The following MGAT4C variants were observed in gnomAD, a reference collection of about 807,000 sequenced individuals.
MGAT4C encodes the protein alpha-1,3-mannosyl-glycoprotein 4-beta-N-acetylglucosaminyltransferase C.
In MGAT4C, 19 loss-of-function variants were observed where a neutral mutation model predicts 40.1. The observed-to-expected ratio is 0.47, with a 90% CI of 0.33 to 0.70. The LOEUF (loss-of-function observed/expected upper bound fraction) is 0.70. Ranked by LOEUF, MGAT4C falls within the 30% of genes least tolerant of loss-of-function variation. MGAT4C has a pLI of 0.02. For missense variants in MGAT4C, 491 were observed against 563.2 expected (o/e 0.87, Z 1.30); for synonymous variants, 181 against 187.1 (o/e 0.97, Z 0.27).
intron 1 of MGAT4C, among the ~76,000 whole-genome samples, chr12:86,775,301 C>T (rs1245414939): frequency 6.6e-6 from 1 of 151,804 alleles, no homozygotes; most frequent in Non-Finnish European, 1.5e-5. Flanking sequence ...TGTGGATGAA[C>T]ATAAGCACAT....
At chr12:86,560,195 T>C (rs1247142420) in intron 2 of MGAT4C, among the ~76,000 whole-genome samples, 1 of 152,076 alleles carries the variant, frequency 6.6e-6, no homozygotes, top group African/African-American at 2.4e-5. Context: ...CTTGATAAAT[T>C]GTACCAAGCT....
intron 3 of MGAT4C, among the ~76,000 whole-genome samples, chr12:86,407,855 C>T (rs1956506405): frequency 6.6e-6 from 1 of 152,014 alleles, no homozygotes; most frequent in South Asian, 2.1e-4. Flanking sequence ...TTTATAGCTG[C>T]TTTTTCTTTT....
chr12:86,310,973 A>G (rs2136150172), intron 4 of MGAT4C, among the ~76,000 whole-genome samples: 1 of 152,310 alleles, frequency 6.6e-6, no homozygotes, highest in South Asian at 2.1e-4. Flanking sequence ...AGGGAATAAA[A>G]TGATATCCTA....
At chr12:86,133,322 C>T (rs1418310387) in intron 1 of MGAT4C, among the ~76,000 whole-genome samples, 2 of 152,198 alleles carry the variant, frequency 1.3e-5, no homozygotes, top group Non-Finnish European at 1.5e-5. Flanking sequence ...TGCCACCCAT[C>T]AAAAGCACTT....
intron 2 of MGAT4C, among the ~76,000 whole-genome samples, chr12:86,440,435 A>G (rs1957206497): frequency 6.6e-6 from 1 of 152,070 alleles, no homozygotes; most frequent in Non-Finnish European, 1.5e-5. Context: ...GCATCCCTTT[A>G]TGATAAAAAC....
intron 1 of MGAT4C, among the ~76,000 whole-genome samples, chr12:86,785,949 A>T (rs975065526): frequency 1.6e-4 from 25 of 151,996 alleles, no homozygotes; most frequent in African/African-American, 6.0e-4. Context: ...CCATTTATTC[A>T]TTCTTCTTGG....
chr12:86,799,415 TTC>T (rs1437337965), intron 1 of MGAT4C, among the ~76,000 whole-genome samples: 1 of 151,904 alleles, frequency 6.6e-6, no homozygotes, highest in African/African-American at 2.4e-5. Flanking sequence ...AGGAAGAATA[TTC>T]TCTGACATGC....
chr12:86,421,079 A>G (rs1956818273), intron 3 of MGAT4C, among the ~76,000 whole-genome samples: 1 of 152,102 alleles, frequency 6.6e-6, no homozygotes, highest in Non-Finnish European at 1.5e-5. Context: ...TAATGTCAGT[A>G]GGAATTTGAG....
intron 1 of MGAT4C, among the ~76,000 whole-genome samples, chr12:86,820,723 A>C (rs1409671211): frequency 6.6e-6 from 1 of 150,910 alleles, no homozygotes; most frequent in Non-Finnish European, 1.5e-5. Flanking sequence ...TGAAAGAGAG[A>C]TACAATATCT....
In MGAT4C at chr12:86,190,576, C is replaced by G. The variant is rs561004059; in HGVS notation, c.-57+65663G>C. On this transcript the variant is annotated intron_variant, in intron 1 of 4. Coordinates refer to ENST00000611864, the MANE Select transcript of MGAT4C (RefSeq NM_001351288.2). Reference sequence around the variant, plus strand: ...TTTCCTCATGGCAAATATAGTGTTTCTATGAGAATTTTGGCTTGAATTTGC... The same window carrying G: ...TTTCCTCATGGCAAATATAGTGTTTGTATGAGAATTTTGGCTTGAATTTGC... Among the ~76,000 whole-genome samples, 253 of 152,126 alleles carry G rather than the reference C, an allele frequency of 1.7e-3. 1 individual carries two copies. The highest frequency in any genetic ancestry group is 5.9e-3 in the African/African-American group (244 of 41,536).
chr12:86,198,129 G>T (rs1949894416), intron 1 of MGAT4C, among the ~76,000 whole-genome samples: 1 of 152,112 alleles, frequency 6.6e-6, no homozygotes, highest in African/African-American at 2.4e-5. Context: ...ATAAAGTTTA[G>T]TAATATATTT....
chr12:86,501,301 T>A (rs1036894222), intron 2 of MGAT4C, among the ~76,000 whole-genome samples: 1 of 152,122 alleles, frequency 6.6e-6, no homozygotes, highest in African/African-American at 2.4e-5. Flanking sequence ...TTATTTTTAT[T>A]TGTTTTTCCC....
chr12:86,239,717 T>A (rs1052819390), intron 1 of MGAT4C, among the ~76,000 whole-genome samples: 1 of 152,046 alleles, frequency 6.6e-6, no homozygotes, highest in Non-Finnish European at 1.5e-5. Flanking sequence ...ACAAAGGTTT[T>A]ATAATTCTTT....
At chr12:86,695,671 A>C (rs1257891589) in intron 2 of MGAT4C, among the ~76,000 whole-genome samples, 1 of 152,196 alleles carries the variant, frequency 6.6e-6, no homozygotes, top group East Asian at 1.9e-4. Context: ...GGCCAGGCAC[A>C]GAAAGACAAA....
intron 1 of MGAT4C, among the ~76,000 whole-genome samples, chr12:86,192,216 C>T (rs1889592958): frequency 6.6e-6 from 1 of 151,856 alleles, no homozygotes; most frequent in Non-Finnish European, 1.5e-5. Flanking sequence ...ATGTTGTGCA[C>T]ATGTACCCTA....
rs1883273310 is a variant in MGAT4C, at chr12:85,964,829, T to A, written c.*14460A>T. ...CCTAGGTAATGTGATTTATTAAAAG[T>A]TCTCCATCCCAAAATATATGTCCCA... is the stretch of plus-strand genomic sequence containing the variant. On this transcript the variant is annotated 3_prime_UTR_variant, in exon 5 of 5. Coordinates refer to ENST00000611864, the MANE Select transcript of MGAT4C (RefSeq NM_001351288.2). 6.6e-6 allele frequency: 1 copy of A among 152,146 alleles called. No individual in the cohort carries two copies. Among genetic ancestry groups the A allele is most frequent in the Non-Finnish European group, 1.5e-5 (1 of 68,024 alleles). The allele number at this position is 152,146 out of a possible 1,614,324, so 9.4% of individuals were successfully genotyped here.
chr12:86,330,249 C>G (rs1954631485), intron 4 of MGAT4C, among the ~76,000 whole-genome samples: 2 of 152,128 alleles, frequency 1.3e-5, no homozygotes, highest in South Asian at 2.1e-4. Flanking sequence ...CCAAGTTACT[C>G]CCCAGTTTAT....
At chr12:86,116,631 T>G (rs1878472772) in intron 1 of MGAT4C, among the ~76,000 whole-genome samples, 1 of 152,068 alleles carries the variant, frequency 6.6e-6, no homozygotes, top group Admixed American at 6.6e-5. Flanking sequence ...AGGAAAAAAT[T>G]TTTAACTCAA....
At chr12:86,152,970 C>A (rs1328465189) in intron 1 of MGAT4C, among the ~76,000 whole-genome samples, 1 of 152,098 alleles carries the variant, frequency 6.6e-6, no homozygotes, top group Non-Finnish European at 1.5e-5. Flanking sequence ...GTTCAGATCA[C>A]TTTTCAGTCC....
Sources: allele counts gnomAD v4.1 joint callset (sites outside exome capture counted in the v4.1 genomes callset), GRCh38; gene constraint gnomAD v4.1.1; transcripts MANE v1.5; gene names NCBI Gene and HGNC (gene_info 2026-07-23, HGNC 2026-07-21).